Variants in RAB9A observed in about 807,000 individuals in gnomAD.
RAB9A encodes the protein RAB9A, member RAS oncogene family.
Under a neutral mutation model 10.3 loss-of-function variants are expected in RAB9A, and 1 was observed. The observed-to-expected ratio is 0.10, with a 90% confidence interval of 0.03 to 0.46. The LOEUF (loss-of-function observed/expected upper bound fraction) is 0.46, where lower values mean the gene tolerates loss of function less well. Ranked by LOEUF, RAB9A falls within the 20% of genes least tolerant of loss-of-function variation. The pLI is 0.96. For missense variants in RAB9A, 92 were observed against 150.3 expected (o/e 0.61, Z 2.03); for synonymous variants, 39 against 55.2 (o/e 0.71, Z 1.30).
At chrX:13,708,191 G>A (rs2046205868) in intron 2 of RAB9A, among the ~76,000 whole-genome samples, 1 of 110,401 alleles carries the variant, frequency 9.1e-6, no homozygotes, top group Admixed American at 9.7e-5. Flanking sequence ...AGGCATGGTG[G>A]TGTGCACCTG....
At position 13,700,426 on chromosome X, in the gene RAB9A, G is replaced by A. The variant is rs192657146; in HGVS notation, c.-115-3388G>A. Among the ~76,000 whole-genome samples, 15 of 112,095 alleles carry A rather than the reference G, an allele frequency of 1.3e-4. No homozygotes were observed. The East Asian group carries it at 4.2e-3, about 31-fold the overall frequency. ...TAAGATAAAAGTACATAATGGAAAA[G>A]TTGGGAAAATAGTGTTATAAGAAGG... On this transcript the variant is annotated intron_variant, in intron 1 of 2. Coordinates refer to ENST00000464506, the MANE Select transcript of RAB9A (RefSeq NM_004251.5).
rs755827758 is a variant in RAB9A, at chrX:13,706,059, C to T, written c.-27+2157C>T. 4.5e-5 allele frequency among the ~76,000 whole-genome samples: 5 copies of T among 111,776 alleles called. No individual in the cohort carries two copies. The East Asian group carries it at 8.4e-4, about 19-fold the overall frequency. On this transcript the variant is annotated intron_variant, in intron 2 of 2. Transcript: ENST00000464506. ...AGTCCTGGATCTCTGGGAAACAACCCGCTGAAGAATTCTGAGGAGACATTA... is the reference window on the plus strand; with the variant it reads ...AGTCCTGGATCTCTGGGAAACAACCTGCTGAAGAATTCTGAGGAGACATTA...
intron 1 of RAB9A, among the ~76,000 whole-genome samples, 177 bp downstream of exon 1, chrX:13,689,465 C>T (rs1243535265): frequency 8.9e-6 from 1 of 111,942 alleles, no homozygotes; most frequent in Non-Finnish European, 1.9e-5. Context: ...TCCTCTCTGA[C>T]GCAGGAGGAA....
rs1292590975 is a variant in RAB9A, at chrX:13,710,002, A to G, written c.*650A>G. ...AGGCGGAGGGTGGGCCCCCAGTGGTACAAGAGTTGCTTCATACAGTCTGTA... is the reference window on the plus strand; with the variant it reads ...AGGCGGAGGGTGGGCCCCCAGTGGTGCAAGAGTTGCTTCATACAGTCTGTA... On this transcript the variant is annotated 3_prime_UTR_variant, in exon 3 of 3. Coordinates refer to ENST00000464506, the MANE Select transcript of RAB9A (RefSeq NM_004251.5). The G allele has an allele frequency of 8.1e-6, 1 of 123,358 alleles. No individual in the cohort carries two copies. Among genetic ancestry groups the G allele is most frequent in the African/African-American group, 3.2e-5 (1 of 30,787 alleles). The allele number at this position is 123,358 out of a possible 1,213,427, so 10.2% of individuals were successfully genotyped here.
At chrX:13,701,963 C>G (rs757528171) in intron 1 of RAB9A, among the ~76,000 whole-genome samples, 43 of 111,143 alleles carry the variant, frequency 3.9e-4, no homozygotes, top group Non-Finnish European at 5.7e-4. Flanking sequence ...AGCCCTTCTC[C>G]CATTGCATCC....
intron 2 of RAB9A, 141 bp from the exon 3 acceptor site, chrX:13,708,580 G>A: frequency 2.0e-6 from 1 of 504,301 alleles, no homozygotes; most frequent in Admixed American, 4.2e-5. Flanking sequence ...ACATGGCTAA[G>A]TGCTCAGTAA....
chrX:13,704,589 A>G (rs1213620039), intron 2 of RAB9A, among the ~76,000 whole-genome samples: 1 of 108,089 alleles, frequency 9.3e-6, no homozygotes, highest in East Asian at 2.9e-4. Context: ...CCTATGTAAT[A>G]TGCTTTTCTT....
At chrX:13,706,276 C>T (rs2046197048) in intron 2 of RAB9A, among the ~76,000 whole-genome samples, 1 of 112,063 alleles carries the variant, frequency 8.9e-6, no homozygotes, top group South Asian at 3.7e-4. Flanking sequence ...GGATATTGAG[C>T]AATACATTTG....
intron 1 of RAB9A, among the ~76,000 whole-genome samples, chrX:13,694,769 A>G (rs1176061205): frequency 4.5e-5 from 5 of 111,717 alleles, no homozygotes; most frequent in Non-Finnish European, 7.5e-5. Flanking sequence ...GGTGAGGAGA[A>G]AAGGCATCAA....
At chrX:13,700,549 A>G (rs2046168497) in intron 1 of RAB9A, among the ~76,000 whole-genome samples, 2 of 111,662 alleles carry the variant, frequency 1.8e-5, no homozygotes, top group Admixed American at 1.9e-4. Context: ...TGCTTATCCA[A>G]CTTTACATTC....
rs1367883042 is a variant in RAB9A, at chrX:13,695,096, T to G, written c.-116+5808T>G. On this transcript the variant is annotated intron_variant, in intron 1 of 2. Transcript: ENST00000464506. The stretch of plus-strand genomic sequence containing the variant: ...ACCCCTCGAGCCTCCGGACCCGGCC[T>G]GTCTGGAGAAGTCTCGAGAAGTGCC... 7.1e-5 allele frequency among the ~76,000 whole-genome samples: 8 copies of G among 112,376 alleles called. No individual in the cohort carries two copies. The South Asian group carries it at 2.2e-3, about 31-fold the overall frequency.
chrX:13,693,900 A>C (rs1329041772), intron 1 of RAB9A, among the ~76,000 whole-genome samples: 1 of 111,485 alleles, frequency 9.0e-6, no homozygotes, highest in African/African-American at 3.3e-5. Flanking sequence ...CACAGACTCC[A>C]CTTTTGTCTT....
chrX:13,703,721 T>A (rs1175128638), intron 1 of RAB9A, 93 bp from the exon 2 acceptor site: 1 of 112,081 alleles, frequency 8.9e-6, no homozygotes, highest in Non-Finnish European at 1.9e-5. Context: ...TTCTGCCTGT[T>A]GCCCTTACTG....
intron 1 of RAB9A, among the ~76,000 whole-genome samples, chrX:13,690,083 C>T (rs2046113799): frequency 9.2e-6 from 1 of 108,975 alleles, no homozygotes; most frequent in Non-Finnish European, 1.9e-5. Flanking sequence ...AGGATTTTAG[C>T]GTCCTGATAA....
chrX:13,701,027 C>G, intron 1 of RAB9A, among the ~76,000 whole-genome samples: 1 of 112,333 alleles, frequency 8.9e-6, no homozygotes, highest in Non-Finnish European at 1.9e-5. Flanking sequence ...CTGCCTCTGC[C>G]TCCCGTAGTG....
chrX:13,704,990 A>G (rs1202659674), intron 2 of RAB9A, among the ~76,000 whole-genome samples: 2 of 112,223 alleles, frequency 1.8e-5, no homozygotes, highest in Non-Finnish European at 3.8e-5. Flanking sequence ...TTGCCTTTGG[A>G]CAGTCATTTT....
At chrX:13,693,575 A>G (rs2146746341) in intron 1 of RAB9A, among the ~76,000 whole-genome samples, 1 of 111,058 alleles carries the variant, frequency 9.0e-6, no homozygotes, top group South Asian at 3.8e-4. Context: ...TCTCACCATG[A>G]CTCTTGGTAC....
At chrX:13,697,833 C>T (rs1165482923) in intron 1 of RAB9A, among the ~76,000 whole-genome samples, 1 of 111,843 alleles carries the variant, frequency 8.9e-6, no homozygotes, top group African/African-American at 3.3e-5. Context: ...AAGCTTCCAC[C>T]AATGCTCTCA....
At chrX:13,704,828 C>G in intron 2 of RAB9A, among the ~76,000 whole-genome samples, 1 of 111,060 alleles carries the variant, frequency 9.0e-6, no homozygotes, top group Non-Finnish European at 1.9e-5. Context: ...CCATGTTGGC[C>G]AGGCTGGTCT....
Sources: gnomAD v4.1 joint callset for allele counts (sites outside exome capture counted in the v4.1 genomes callset) on GRCh38, gnomAD v4.1.1 for gene constraint, MANE v1.5 for transcripts, NCBI Gene and HGNC (gene_info 2026-07-23, HGNC 2026-07-21) for gene names.